The following PRKAR2B variants were observed in gnomAD, a reference collection of about 807,000 sequenced individuals.
PRKAR2B encodes the protein protein kinase cAMP-dependent type II regulatory subunit beta, also known as cAMP-dependent protein kinase type II-beta regulatory subunit.
A neutral mutation model predicts 49.9 loss-of-function variants in PRKAR2B; 14 were observed. The ratio of observed to expected loss-of-function variants is 0.28; its 90% CI spans 0.19 to 0.44. PRKAR2B has a LOEUF of 0.44. PRKAR2B is among the 20% of genes least tolerant of loss of function. PRKAR2B has a pLI of 1.00. For synonymous variants in PRKAR2B, 196 were observed against 197.7 expected (o/e 0.99, Z 0.07); for missense variants, 393 against 537.9 (o/e 0.73, Z 2.67).
At chr7:107,074,644 C>G (rs1166692989) in intron 2 of PRKAR2B, among the ~76,000 whole-genome samples, 2 of 151,852 alleles carry the variant, frequency 1.3e-5, no homozygotes, top group Admixed American at 6.6e-5. Context: ...ACTAAAAATA[C>G]AAAAATTAGC....
intron 5 of PRKAR2B, among the ~76,000 whole-genome samples, chr7:107,141,542 A>AG (rs1269534433): frequency 2.0e-5 from 3 of 152,138 alleles, no homozygotes; most frequent in African/African-American, 4.8e-5. Context: ...TACAAAAAAA[A>AG]TTAGCCAGGT....
rs1584460080 is a variant in PRKAR2B, at chr7:107,160,493, T to C, written c.*911T>C. On this transcript the variant is annotated 3_prime_UTR_variant, in exon 11 of 11. Transcript: ENST00000265717. ...TCCCAAAAATAATGTGGGATCCTTATCAGCATGCCCACAGTTTATTTCTTT... is the reference window on the plus strand; with the variant it reads ...TCCCAAAAATAATGTGGGATCCTTACCAGCATGCCCACAGTTTATTTCTTT... 2 of 152,312 alleles carry C rather than the reference T, an allele frequency of 1.3e-5. No individual in the cohort carries two copies. Among genetic ancestry groups the C allele is most frequent in the South Asian group, 4.1e-4 (2 of 4,828 alleles). The allele number at this position is 152,312 out of a possible 1,614,324, so 9.4% of individuals were successfully genotyped here. A position where few individuals can be genotyped will look rare whatever the true frequency, so the allele number is the denominator to read the frequency against.
chr7:107,082,938 A>G (rs1449988363), intron 2 of PRKAR2B, among the ~76,000 whole-genome samples: 1 of 152,126 alleles, frequency 6.6e-6, no homozygotes, highest in African/African-American at 2.4e-5. Flanking sequence ...GTTAGACTGT[A>G]TAGTTGGTGA....
intron 4 of PRKAR2B, among the ~76,000 whole-genome samples, chr7:107,130,133 C>T (rs898254605): frequency 3.9e-5 from 6 of 152,120 alleles, no homozygotes; most frequent in African/African-American, 1.4e-4. Context: ...CATATTTAAT[C>T]CTAAATAATA....
intron 2 of PRKAR2B, among the ~76,000 whole-genome samples, chr7:107,112,913 T>C (rs1182029167): frequency 1.3e-5 from 2 of 152,116 alleles, no homozygotes; most frequent in Non-Finnish European, 2.9e-5. Context: ...TGAAATATGT[T>C]CCCCTAAAGC....
At chr7:107,156,956 C>T (rs372774763) in intron 8 of PRKAR2B, 28 bp from the exon 9 acceptor site, 35 of 1,566,986 alleles carry the variant, frequency 2.2e-5, no homozygotes, top group Middle Eastern at 1.7e-4. Flanking sequence ...GCATTTTCAC[C>T]GTCTGTTTTT....
chr7:107,133,429 T>C (rs1301200414), intron 4 of PRKAR2B, among the ~76,000 whole-genome samples: 1 of 152,178 alleles, frequency 6.6e-6, no homozygotes, highest in Non-Finnish European at 1.5e-5. Flanking sequence ...CTACCTGCCT[T>C]AAAAAAGTCA....
At chr7:107,124,169 T>G (rs563313140) in intron 3 of PRKAR2B, among the ~76,000 whole-genome samples, 1 of 152,364 alleles carries the variant, frequency 6.6e-6, no homozygotes, top group Admixed American at 6.5e-5. Context: ...TGTAAATACT[T>G]AAGACTCATT....
intron 3 of PRKAR2B, among the ~76,000 whole-genome samples, chr7:107,127,658 C>G (rs1795522531): frequency 6.6e-6 from 1 of 152,246 alleles, no homozygotes; most frequent in African/African-American, 2.4e-5. Flanking sequence ...AAATCACTTG[C>G]TCGCTGTGGG....
intron 1 of PRKAR2B, among the ~76,000 whole-genome samples, chr7:107,063,192 C>A (rs771141285): frequency 6.6e-6 from 1 of 152,044 alleles, no homozygotes; most frequent in African/African-American, 2.4e-5. Flanking sequence ...TTAATAGAGA[C>A]GGGTTTTACC....
chr7:107,137,931 CTG>C (rs148321981), intron 4 of PRKAR2B, among the ~76,000 whole-genome samples: 14,393 of 151,920 alleles, frequency 0.095, 731 homozygotes, highest in Middle Eastern at 0.16. Flanking sequence ...TGGTCATTGA[CTG>C]TGCTGGGCAC....
At chr7:107,095,530 C>T (rs1400398002) in intron 2 of PRKAR2B, among the ~76,000 whole-genome samples, 1 of 152,122 alleles carries the variant, frequency 6.6e-6, no homozygotes, top group Non-Finnish European at 1.5e-5. Flanking sequence ...CCAGAACTTC[C>T]AACACTATAT....
At chr7:107,069,841 A>G (rs1794227243) in intron 1 of PRKAR2B, 1 of 152,678 alleles carries the variant, frequency 6.5e-6, no homozygotes, top group Non-Finnish European at 1.5e-5. Context: ...CATTTAAGAA[A>G]TGATGCTGCT....
chr7:107,048,640 T>C (rs1271759601), intron 1 of PRKAR2B, among the ~76,000 whole-genome samples: 1 of 151,922 alleles, frequency 6.6e-6, no homozygotes, highest in African/African-American at 2.4e-5. Context: ...CTGGAAAAAA[T>C]GTTGTCTGGC....
intron 2 of PRKAR2B, among the ~76,000 whole-genome samples, chr7:107,093,792 C>G (rs1269322155): frequency 1.3e-5 from 2 of 151,702 alleles, no homozygotes. Context: ...ATAGTTTGCT[C>G]AGAATGATGG....
intron 2 of PRKAR2B, among the ~76,000 whole-genome samples, chr7:107,095,018 A>C (rs2116805179): frequency 6.6e-6 from 1 of 152,288 alleles, no homozygotes; most frequent in Admixed American, 6.5e-5. Flanking sequence ...TGAACTTTAA[A>C]GTAGTTTTTT....
chr7:107,118,556 G>T (rs538323510), intron 2 of PRKAR2B, among the ~76,000 whole-genome samples: 7 of 152,276 alleles, frequency 4.6e-5, no homozygotes, highest in African/African-American at 1.7e-4. Flanking sequence ...GGAGGGCTGC[G>T]TCTCAGCCTG....
chr7:107,104,300 G>A (rs938901642), intron 2 of PRKAR2B, among the ~76,000 whole-genome samples: 1 of 152,172 alleles, frequency 6.6e-6, no homozygotes, highest in African/African-American at 2.4e-5. Flanking sequence ...CTCCCAAAGT[G>A]CTGGGATTAC....
In PRKAR2B at chr7:107,045,158, A is replaced by C; in HGVS notation, c.251A>C (p.Asp84Ala). The change falls in exon 1 of 11, where the codon GAC becomes GCC. Residue 84 changes from aspartate to alanine, a missense_variant. Physicochemically the swap from Asp to Ala is moderately radical, Grantham distance 126 (BLOSUM62 -2). Coordinates refer to ENST00000265717, the MANE Select transcript of PRKAR2B (RefSeq NM_002736.3). ...VNFAEEPMQSDSEDGEEEEAA... is the reference protein window; with the variant it reads ...VNFAEEPMQSASEDGEEEEAA... ...TTCGCCGAGGAGCCCATGCAGTCCG[A>C]CTCCGAGGACGGGGAGGAGGAGGAG... 2.7e-6 allele frequency: 4 copies of C among 1,491,682 alleles called. No homozygotes were observed. Among genetic ancestry groups the C allele is most frequent in the Non-Finnish European group, 3.6e-6 (4 of 1,120,992 alleles). 92.4% of individuals were successfully genotyped at this position (1,491,682 alleles called of 1,614,324 possible).
Sources: allele counts gnomAD v4.1 joint callset (sites outside exome capture counted in the v4.1 genomes callset), GRCh38; gene constraint gnomAD v4.1.1; transcripts MANE v1.5; gene names NCBI Gene and HGNC (gene_info 2026-07-23, HGNC 2026-07-21).